ADAMTS6: variants seen among roughly 807,000 people sequenced by gnomAD.
ADAMTS6 encodes A disintegrin and metalloproteinase with thrombospondin motifs 6.
ADAMTS6 carries 23 observed loss-of-function variants against 144.3 expected under a neutral mutation model. That is an observed-to-expected ratio of 0.16 (90% CI 0.11 to 0.23). The LOEUF (loss-of-function observed/expected upper bound fraction) is 0.23. Among genes scored for constraint, ADAMTS6 ranks in the 10% least tolerant of loss-of-function variants. The probability of loss-of-function intolerance (pLI) is 1.00; values close to 1 mark genes in which losing one functional copy is unlikely to be tolerated. For missense variants in ADAMTS6, 999 were observed against 1,379.6 expected (o/e 0.72, Z 4.37); for synonymous variants, 444 against 457.5 (o/e 0.97, Z 0.38).
intron 7 of ADAMTS6, among the ~76,000 whole-genome samples, chr5:65,442,204 C>T (rs1165383203): frequency 6.6e-6 from 1 of 151,308 alleles, no homozygotes; most frequent in African/African-American, 2.4e-5. Flanking sequence ...AAGACAAAAA[C>T]TACCAATACC....
chr5:65,379,059 G>A (rs1580543969), intron 7 of ADAMTS6, among the ~76,000 whole-genome samples: 1 of 151,958 alleles, frequency 6.6e-6, no homozygotes, highest in East Asian at 1.9e-4. Context: ...AGAAATATCT[G>A]GAAAACACAG....
intron 9 of ADAMTS6, among the ~76,000 whole-genome samples, chr5:65,319,127 T>C (rs929791474): frequency 2.0e-5 from 3 of 152,162 alleles, no homozygotes; most frequent in African/African-American, 4.8e-5. Flanking sequence ...GAGTATATTA[T>C]CTAATCACAA....
intron 10 of ADAMTS6, among the ~76,000 whole-genome samples, chr5:65,295,140 A>G (rs1158059679): frequency 6.6e-6 from 1 of 152,098 alleles, no homozygotes; most frequent in African/African-American, 2.4e-5. Context: ...GATTATTTCC[A>G]ATTTCTAAGA....
intron 21 of ADAMTS6, among the ~76,000 whole-genome samples, chr5:65,192,194 T>C (rs1755058229): frequency 6.6e-6 from 1 of 150,918 alleles, no homozygotes. Context: ...TAAAAATTAA[T>C]CTCTTCCCAC....
intron 15 of ADAMTS6, among the ~76,000 whole-genome samples, chr5:65,233,337 AG>A (rs1349587219): frequency 6.6e-6 from 1 of 152,082 alleles, no homozygotes; most frequent in African/African-American, 2.4e-5. Flanking sequence ...TCCTAGTCAC[AG>A]GAAGTAAGCA....
chr5:65,455,617 C>A (rs2150255504), intron 4 of ADAMTS6, among the ~76,000 whole-genome samples: 1 of 151,464 alleles, frequency 6.6e-6, no homozygotes, highest in East Asian at 1.9e-4. Flanking sequence ...TATTTCAAAT[C>A]CTAAATTAAT....
At chr5:65,457,571 T>G (rs1256859476) in intron 4 of ADAMTS6, among the ~76,000 whole-genome samples, 9 of 152,008 alleles carry the variant, frequency 5.9e-5, no homozygotes, top group South Asian at 2.1e-4. Flanking sequence ...AATTTAAATA[T>G]GAAAGGATTA....
chr5:65,155,607 G>A (rs1752367669), intron 24 of ADAMTS6, among the ~76,000 whole-genome samples: 1 of 152,122 alleles, frequency 6.6e-6, no homozygotes, highest in Non-Finnish European at 1.5e-5. Flanking sequence ...GTCCATGACC[G>A]TATATAAAAT....
At chr5:65,398,530 G>T (rs1475803367) in intron 7 of ADAMTS6, among the ~76,000 whole-genome samples, 1 of 151,976 alleles carries the variant, frequency 6.6e-6, no homozygotes, top group African/African-American at 2.4e-5. Context: ...TTCGAGACCG[G>T]CCTGGCCAAC....
At chr5:65,156,490 A>G (rs1344333022) in intron 24 of ADAMTS6, among the ~76,000 whole-genome samples, 1 of 152,182 alleles carries the variant, frequency 6.6e-6, no homozygotes, top group Non-Finnish European at 1.5e-5. Flanking sequence ...AATGATTTAC[A>G]GTTGGCATTG....
chr5:65,312,828 GAT>G (rs1744627976), intron 9 of ADAMTS6, among the ~76,000 whole-genome samples: 1 of 151,938 alleles, frequency 6.6e-6, no homozygotes, highest in African/African-American at 2.4e-5. Flanking sequence ...AGCTATTAGA[GAT>G]ATACTAACAT....
At chr5:65,332,300 T>G (rs1167714112) in intron 8 of ADAMTS6, among the ~76,000 whole-genome samples, 25 of 114,512 alleles carry the variant, frequency 2.2e-4, no homozygotes, top group African/African-American at 6.7e-4. Flanking sequence ...TATATATATA[T>G]ATATATATAT....
Position 65,460,294 on chromosome 5 carries a change from A to C in ADAMTS6, c.507T>G (p.Pro169=), listed in dbSNP as rs1759547982. The C allele has an allele frequency of 5.0e-6, 8 of 1,613,804 alleles. No individual in the cohort carries two copies. The highest frequency in any genetic ancestry group is 1.3e-5 in the African/African-American group (1 of 74,936). Reference sequence around the variant, plus strand: ...TGGAATCCTCTGTGGTATTCTTTAAAGGTTCGATAAAATACTCTTCATCTT... The same window carrying C: ...TGGAATCCTCTGTGGTATTCTTTAACGGTTCGATAAAATACTCTTCATCTT... The part of the protein sequence containing the change: ...ATEDEEYFIE[P]LKNTTEDSKH... The change falls in exon 4 of 25, where the codon CCT becomes CCG. Residue 169 remains proline (P), a synonymous_variant. Coordinates refer to ENST00000381055, the MANE Select transcript of ADAMTS6 (RefSeq NM_197941.4).
intron 14 of ADAMTS6, among the ~76,000 whole-genome samples, chr5:65,247,946 T>A (rs1400002478): frequency 6.6e-6 from 1 of 151,826 alleles, no homozygotes; most frequent in Non-Finnish European, 1.5e-5. Context: ...GATTGCCCCC[T>A]GTTTGTTGAG....
intron 7 of ADAMTS6, among the ~76,000 whole-genome samples, chr5:65,425,000 G>C (rs980140789): frequency 1.3e-5 from 2 of 151,550 alleles, no homozygotes; most frequent in Non-Finnish European, 2.9e-5. Flanking sequence ...TTGTTTGTTT[G>C]TTTTGTTTTT....
chr5:65,441,323 G>A (rs1244507536), intron 7 of ADAMTS6, among the ~76,000 whole-genome samples: 2 of 152,034 alleles, frequency 1.3e-5, no homozygotes, highest in Non-Finnish European at 2.9e-5. Flanking sequence ...ATCATAAGCA[G>A]ACCATACGTG....
intron 7 of ADAMTS6, among the ~76,000 whole-genome samples, chr5:65,369,314 G>C (rs1443192613): frequency 6.6e-6 from 1 of 152,120 alleles, no homozygotes; most frequent in East Asian, 1.9e-4. Context: ...TTTATGTAGA[G>C]CTGGCTAGGG....
At chr5:65,253,145 C>G (rs988656723) in intron 14 of ADAMTS6, among the ~76,000 whole-genome samples, 1 of 152,158 alleles carries the variant, frequency 6.6e-6, no homozygotes, top group Non-Finnish European at 1.5e-5. Context: ...GCCTCCGCCT[C>G]CCAAAGTGCT....
intron 21 of ADAMTS6, among the ~76,000 whole-genome samples, chr5:65,193,334 T>C (rs1755130890): frequency 6.6e-6 from 1 of 151,966 alleles, no homozygotes; most frequent in African/African-American, 2.4e-5. Context: ...ATATCCTTAA[T>C]ACATTAAGAG....
Sources: gnomAD v4.1 joint callset for allele counts (sites outside exome capture counted in the v4.1 genomes callset) on GRCh38, gnomAD v4.1.1 for gene constraint, MANE v1.5 for transcripts, NCBI Gene and HGNC (gene_info 2026-07-23, HGNC 2026-07-21) for gene names.